Variants in L3MBTL3 observed in about 807,000 individuals in gnomAD.
L3MBTL3 encodes lethal(3)malignant brain tumor-like protein 3.
A neutral mutation model predicts 102.3 loss-of-function variants in L3MBTL3; 27 were observed. The observed-to-expected ratio is 0.26, with a 90% CI of 0.19 to 0.36. L3MBTL3 has a LOEUF of 0.36. Ranked by LOEUF, L3MBTL3 falls within the 10% of genes least tolerant of loss-of-function variation. L3MBTL3 has a pLI of 1.00. For synonymous variants in L3MBTL3, 340 were observed against 320.9 expected, an observed-to-expected ratio of 1.06 and a Z score of -0.64; for missense variants, 798 against 955.3, an observed-to-expected ratio of 0.84 and a Z score of 2.17.
At chr6:130,137,248 A>G (rs1327130342) in intron 22 of L3MBTL3, among the ~76,000 whole-genome samples, 1 of 152,246 alleles carries the variant, frequency 6.6e-6, no homozygotes, top group Non-Finnish European at 1.5e-5. Context: ...ATGGAAGGCC[A>G]GAGCTCCTGA....
intron 6 of L3MBTL3, 83 bp from the exon 7 acceptor site, chr6:130,052,776 A>T: frequency 1.4e-6 from 2 of 1,466,804 alleles, no homozygotes; most frequent in Non-Finnish European, 9.0e-7. Context: ...TTTTTTTTTA[A>T]TGATTGTTGC....
At chr6:130,115,883 G>T (rs1785639153) in intron 19 of L3MBTL3, among the ~76,000 whole-genome samples, 3 of 152,194 alleles carry the variant, frequency 2.0e-5, no homozygotes, top group South Asian at 4.1e-4. Flanking sequence ...AATTCCAAGA[G>T]AAATTGCTGT....
chr6:130,052,815 A>G, intron 6 of L3MBTL3, 44 bp from the exon 7 acceptor site: 2 of 1,562,494 alleles, frequency 1.3e-6, no homozygotes, highest in South Asian at 1.2e-5. Context: ...GATGTTTGAT[A>G]GGTATTGTCT....
At chr6:130,042,044 A>G (rs951379372) in intron 2 of L3MBTL3, among the ~76,000 whole-genome samples, 3 of 152,234 alleles carry the variant, frequency 2.0e-5, no homozygotes, top group South Asian at 4.1e-4. Context: ...TGTCTATGAT[A>G]CCAACATAAT....
Position 130,051,394 on chromosome 6 carries a change from G to A in L3MBTL3, c.435G>A (p.Arg145=). ...GGNYCSQNCA[R]HIKDKDQKEE... ...ACTATTGCAGCCAGAATTGTGCTCG[G>A]CACATCAAAGATAAGTAGGTTTTTG... Residue 145 remains arginine (R), a synonymous_variant, in exon 6 of 23, where the codon CGG becomes CGA. Transcript: ENST00000361794. 6.2e-7 allele frequency: 1 copy of A among 1,613,248 alleles called. No individual in the cohort carries two copies.
intron 16 of L3MBTL3, among the ~76,000 whole-genome samples, chr6:130,091,034 C>G (rs1784008618): frequency 6.6e-6 from 1 of 152,056 alleles, no homozygotes; most frequent in African/African-American, 2.4e-5. Context: ...GAAGAGAGTT[C>G]TTGACACAGG....
At chr6:130,038,483 C>T (rs536780338) in intron 2 of L3MBTL3, among the ~76,000 whole-genome samples, 95 of 151,748 alleles carry the variant, frequency 6.3e-4, no homozygotes, top group African/African-American at 2.2e-3. Flanking sequence ...GATGATATCT[C>T]CTTGTGGTTT....
At chr6:130,111,180 G>A (rs975492890) in intron 19 of L3MBTL3, among the ~76,000 whole-genome samples, 1 of 152,172 alleles carries the variant, frequency 6.6e-6, no homozygotes, top group Non-Finnish European at 1.5e-5. Flanking sequence ...GTGATGCAGG[G>A]AAGGGCAGAC....
chr6:130,027,205 A>T (rs956349297), intron 2 of L3MBTL3, among the ~76,000 whole-genome samples: 1 of 152,308 alleles, frequency 6.6e-6, no homozygotes, highest in Non-Finnish European at 1.5e-5. Context: ...GAAGGATGCC[A>T]TTGTAGGCAT....
chr6:130,098,573 A>G (rs921795828), intron 18 of L3MBTL3, among the ~76,000 whole-genome samples: 1 of 152,162 alleles, frequency 6.6e-6, no homozygotes, highest in Non-Finnish European at 1.5e-5. Flanking sequence ...AAATAATAAT[A>G]ATCGGTGGGA....
intron 22 of L3MBTL3, 28 bp from the exon 23 acceptor site, chr6:130,139,582 A>C: frequency 6.2e-7 from 1 of 1,603,884 alleles, no homozygotes; most frequent in Non-Finnish European, 8.5e-7. Context: ...GTTAATCCAC[A>C]TTCTGTTGTT....
chr6:130,092,855 T>G lies in L3MBTL3; in HGVS notation c.1629T>G (p.Pro543=). ...AAACAGGACATCCCCTTCAGCCTCC[T>G]TTGAGTAAGAGACACGAATAGCTTG... The part of the protein sequence containing the change: ...CSKTGHPLQP[P]LSPLELMEAS... The change falls in exon 17 of 23, where the codon CCT becomes CCG. Residue 543 remains proline, a synonymous_variant. Transcript: ENST00000361794. 6.4e-7 allele frequency: 1 copy of G among 1,569,432 alleles called. No homozygotes were observed. The highest frequency in any genetic ancestry group is 8.8e-7 in the Non-Finnish European group (1 of 1,139,608).
chr6:130,138,429 G>T (rs1787941512), intron 22 of L3MBTL3: 1 of 152,202 alleles, frequency 6.6e-6, no homozygotes, highest in South Asian at 2.1e-4. Flanking sequence ...ACTTGTAGAT[G>T]GTGGTCTCTC....
chr6:130,070,385 A>G (rs1782548255), intron 12 of L3MBTL3, among the ~76,000 whole-genome samples: 1 of 152,210 alleles, frequency 6.6e-6, no homozygotes, highest in Non-Finnish European at 1.5e-5. Flanking sequence ...TTTGTACATC[A>G]ACAGCCAATT....
chr6:130,106,628 T>C (rs1214373090), intron 19 of L3MBTL3, among the ~76,000 whole-genome samples: 1 of 152,096 alleles, frequency 6.6e-6, no homozygotes, highest in East Asian at 1.9e-4. Flanking sequence ...ACTCAGAAGG[T>C]GTTAGTGGTA....
At chr6:130,083,818 G>A (rs958116406) in intron 15 of L3MBTL3, 113 bp downstream of exon 15, 3 of 483,582 alleles carry the variant, frequency 6.2e-6, no homozygotes, top group African/African-American at 4.1e-5. Context: ...AAAAAATAGA[G>A]CACCAAATAA....
intron 10 of L3MBTL3, among the ~76,000 whole-genome samples, chr6:130,065,317 G>A (rs146635845): frequency 4.3e-4 from 65 of 152,106 alleles, no homozygotes; most frequent in African/African-American, 1.5e-3. Context: ...GTATATTAAT[G>A]TATGTATATA....
intron 2 of L3MBTL3, among the ~76,000 whole-genome samples, chr6:130,024,123 G>A (rs1779180268): frequency 6.6e-6 from 1 of 152,122 alleles, no homozygotes; most frequent in African/African-American, 2.4e-5. Flanking sequence ...AGTTGCATGA[G>A]TCTGCTGGGA....
At chr6:130,137,732 G>A (rs1787853937) in intron 22 of L3MBTL3, 1 of 152,140 alleles carries the variant, frequency 6.6e-6, no homozygotes, top group African/African-American at 2.4e-5. Flanking sequence ...GTCAGCCTTT[G>A]TAGTGGGCTC....
Sources: allele counts gnomAD v4.1 joint callset (sites outside exome capture counted in the v4.1 genomes callset), GRCh38; gene constraint gnomAD v4.1.1; transcripts MANE v1.5; gene names NCBI Gene and HGNC (gene_info 2026-07-23, HGNC 2026-07-21).